The following CTNNA2 variants were observed in gnomAD, a reference collection of about 807,000 sequenced individuals.
The protein encoded by CTNNA2 is catenin alpha 2.
In CTNNA2, 42 loss-of-function variants were observed where a neutral mutation model predicts 101.0. That is an observed-to-expected ratio of 0.42 (90% CI 0.32 to 0.54). The LOEUF (loss-of-function observed/expected upper bound fraction) is 0.54, where lower values mean the gene tolerates loss of function less well. Among genes scored for constraint, CTNNA2 ranks in the 20% least tolerant of loss-of-function variants. The pLI is 0.14. For missense variants in CTNNA2, 871 were observed against 1,223.1 expected, an observed-to-expected ratio of 0.71 and a Z score of 4.29; for synonymous variants, 450 against 456.4, an observed-to-expected ratio of 0.99 and a Z score of 0.18.
intron 2 of CTNNA2, among the ~76,000 whole-genome samples, chr2:79,255,874 C>A (rs951630211): frequency 6.6e-6 from 1 of 152,044 alleles, no homozygotes; most frequent in Non-Finnish European, 1.5e-5. Context: ...GGTTTGGGAC[C>A]TAACGCTCCT....
intron 2 of CTNNA2, among the ~76,000 whole-genome samples, chr2:79,222,072 G>C (rs1558578407): frequency 2.0e-5 from 3 of 152,154 alleles, no homozygotes; most frequent in Non-Finnish European, 4.4e-5. Context: ...TTCCAGGAGA[G>C]AGTTCTCAGA....
At chr2:80,313,643 T>C (rs746314125) in intron 7 of CTNNA2, 1 of 1,607,372 alleles carries the variant, frequency 6.2e-7, no homozygotes, top group South Asian at 1.1e-5. Context: ...GCATACCATG[T>C]CTGGAGCACA....
intron 3 of CTNNA2, among the ~76,000 whole-genome samples, chr2:79,357,876 A>C (rs944095329): frequency 6.6e-6 from 1 of 152,156 alleles, no homozygotes. Context: ...AAAGCGAAGA[A>C]GGTGCTGTAA....
In CTNNA2 at chr2:79,925,371, G is replaced by T. The variant is rs139307625; in HGVS notation, c.1056+15574G>T. ...ATATAAAGTGTATACTCACCTGCCAGAAACAGTGACAAGAGAAATATACAT... is the reference window on the plus strand; with the variant it reads ...ATATAAAGTGTATACTCACCTGCCATAAACAGTGACAAGAGAAATATACAT... On this transcript the variant is annotated intron_variant, in intron 7 of 18. Coordinates refer to ENST00000402739, the MANE Select transcript of CTNNA2 (RefSeq NM_001282597.3). Among the ~76,000 whole-genome samples, 26 of 152,130 alleles carry T rather than the reference G, an allele frequency of 1.7e-4. No homozygotes were observed. In the East Asian group the frequency reaches 5.0e-3, roughly 29 times the overall value.
intron 7 of CTNNA2, among the ~76,000 whole-genome samples, chr2:80,096,925 A>G (rs1240671079): frequency 1.2e-4 from 18 of 152,120 alleles, no homozygotes; most frequent in Middle Eastern, 3.2e-3. Flanking sequence ...GGGTCTCCTG[A>G]ATACAGCACA....
chr2:80,597,919 C>G (rs1271644897), intron 15 of CTNNA2, among the ~76,000 whole-genome samples: 1 of 152,088 alleles, frequency 6.6e-6, no homozygotes, highest in Non-Finnish European at 1.5e-5. Context: ...GGTGATTACT[C>G]AAAGATCTAG....
At chr2:79,246,412 T>C (rs2104264528) in intron 2 of CTNNA2, among the ~76,000 whole-genome samples, 1 of 152,352 alleles carries the variant, frequency 6.6e-6, no homozygotes, top group South Asian at 2.1e-4. Context: ...GCTGAGATTC[T>C]ATGCCACGCA....
At chr2:79,586,014 G>A (rs191704990) in intron 1 of CTNNA2, among the ~76,000 whole-genome samples, 30 of 152,234 alleles carry the variant, frequency 2.0e-4, no homozygotes, top group African/African-American at 7.2e-4. Context: ...GAGTTTAAGG[G>A]CATTTGTGAC....
intron 18 of CTNNA2, among the ~76,000 whole-genome samples, chr2:80,639,243 T>G (rs1558669161): frequency 6.6e-6 from 1 of 152,148 alleles, no homozygotes; most frequent in South Asian, 2.1e-4. Flanking sequence ...ACAGTCTGTT[T>G]CTGTCACCCA....
chr2:79,426,562 A>T (rs553189304), intron 4 of CTNNA2, among the ~76,000 whole-genome samples: 2 of 152,278 alleles, frequency 1.3e-5, no homozygotes, highest in East Asian at 3.9e-4. Context: ...GATGACTAGG[A>T]ACAAGCAGCA....
chr2:80,588,428 T>A (rs1456815638), intron 14 of CTNNA2, among the ~76,000 whole-genome samples: 1 of 152,210 alleles, frequency 6.6e-6, no homozygotes, highest in Non-Finnish European at 1.5e-5. Flanking sequence ...GGAATGTGCA[T>A]GTCACGCAAC....
rs1317770218 is a variant in CTNNA2 at position 80,545,023 on chromosome 2, G to A, written c.1332G>A (p.Gly444=). The A allele has an allele frequency of 1.9e-6, 3 of 1,614,024 alleles. No homozygotes were observed. In the East Asian group the frequency reaches 6.7e-5, roughly 36 times the overall value. Residue 444 remains glycine, a synonymous_variant, in exon 10 of 19, where the codon GGG becomes GGA. Coordinates refer to ENST00000402739, the MANE Select transcript of CTNNA2 (RefSeq NM_001282597.3). The stretch of plus-strand genomic sequence containing the variant: ...GTTCCATCTCCAACAATGAAGAAGG[G>A]GTGAAATTAGTTCGGATGGCAGCCA... ...LACSISNNEE[G]VKLVRMAATQ... is the part of the protein sequence containing the mutation.
chr2:80,135,617 T>C (rs1702652533), intron 7 of CTNNA2, among the ~76,000 whole-genome samples: 1 of 152,170 alleles, frequency 6.6e-6, no homozygotes, highest in African/African-American at 2.4e-5. Context: ...TGACCTCAGA[T>C]AGGCACTTGA....
chr2:80,162,839 A>G, intron 7 of CTNNA2: 1 of 1,596,494 alleles, frequency 6.3e-7, no homozygotes, highest in Middle Eastern at 1.7e-4. Flanking sequence ...TTTCTGGAGA[A>G]GAGAAAGATC....
At chr2:79,847,367 A>C (rs1220511721) in intron 3 of CTNNA2, among the ~76,000 whole-genome samples, 1 of 151,782 alleles carries the variant, frequency 6.6e-6, no homozygotes, top group African/African-American at 2.4e-5. Flanking sequence ...ATGTGGTGAA[A>C]CCCTGTCTCT....
At chr2:80,412,696 C>G (rs374849402) in intron 8 of CTNNA2, among the ~76,000 whole-genome samples, 4 of 151,850 alleles carry the variant, frequency 2.6e-5, no homozygotes, top group African/African-American at 9.7e-5. Flanking sequence ...TGGTCTGAGG[C>G]GGTCATCTTA....
chr2:79,951,671 T>TA (rs1333900931), intron 7 of CTNNA2, among the ~76,000 whole-genome samples: 4 of 139,712 alleles, frequency 2.9e-5, no homozygotes, highest in African/African-American at 1.0e-4. Context: ...TCTCAAAAAT[T>TA]AAAAAATAAG....
intron 2 of CTNNA2, among the ~76,000 whole-genome samples, chr2:79,716,320 C>T (rs373844352): frequency 1.3e-5 from 2 of 151,988 alleles, no homozygotes; most frequent in East Asian, 1.9e-4. Context: ...CCAGATGTGC[C>T]GGTTTGTTAC....
intron 18 of CTNNA2, among the ~76,000 whole-genome samples, chr2:80,625,779 A>C (rs1671618871): frequency 6.6e-6 from 1 of 152,048 alleles, no homozygotes; most frequent in African/African-American, 2.4e-5. Context: ...TCATTCATTT[A>C]TTTCTATGTG....
Sources: gnomAD v4.1 joint callset for allele counts (sites outside exome capture counted in the v4.1 genomes callset) on GRCh38, gnomAD v4.1.1 for gene constraint, MANE v1.5 for transcripts, NCBI Gene and HGNC (gene_info 2026-07-23, HGNC 2026-07-21) for gene names.